Variants in MGST3 observed in about 807,000 individuals in gnomAD.
MGST3 encodes the protein microsomal glutathione S-transferase 3, also known as glutathione S-transferase 3, mitochondrial.
In MGST3, 13 loss-of-function variants were observed where a neutral mutation model predicts 15.8. The ratio of observed to expected loss-of-function variants is 0.82; its 90% CI spans 0.54 to 1.31. The LOEUF (loss-of-function observed/expected upper bound fraction) is 1.31, where lower values mean the gene tolerates loss of function less well. Among genes scored for constraint, MGST3 ranks in the 50% most tolerant of loss-of-function variants. The pLI, the probability that MGST3 is intolerant of heterozygous loss-of-function variation, is 0.00. For missense variants in MGST3, 155 were observed against 192.4 expected, an observed-to-expected ratio of 0.81 and a Z score of 1.15; for synonymous variants, 49 against 68.1, an observed-to-expected ratio of 0.72 and a Z score of 1.38.
At chr1:165,636,598 G>A (rs767197297) in intron 1 of MGST3, among the ~76,000 whole-genome samples, 19 of 151,978 alleles carry the variant, frequency 1.3e-4, no homozygotes, top group Admixed American at 2.6e-4. Context: ...TAACCGGGGC[G>A]TGGTAGCACA....
At chr1:165,639,093 C>G (rs1026192267) in intron 1 of MGST3, among the ~76,000 whole-genome samples, 1 of 152,152 alleles carries the variant, frequency 6.6e-6, no homozygotes, top group African/African-American at 2.4e-5. Flanking sequence ...TAAAGTATTC[C>G]AACGATCGTG....
chr1:165,647,603 G>A (rs1317714028), intron 1 of MGST3: 1 of 152,222 alleles, frequency 6.6e-6, no homozygotes, highest in Non-Finnish European at 1.5e-5. Flanking sequence ...CACATAGCCA[G>A]GGAGCCCAGC....
At chr1:165,634,649 C>T (rs575818034) in intron 1 of MGST3, among the ~76,000 whole-genome samples, 2 of 152,106 alleles carry the variant, frequency 1.3e-5, no homozygotes, top group East Asian at 3.9e-4. Context: ...GATCCTTTGT[C>T]GCAATGTCAC....
At chr1:165,643,214 C>T (rs1203740027) in intron 1 of MGST3, among the ~76,000 whole-genome samples, 1 of 152,074 alleles carries the variant, frequency 6.6e-6, no homozygotes, top group East Asian at 1.9e-4. Flanking sequence ...TTTGTACACA[C>T]CATTTTTAAC....
At chr1:165,635,918 A>C (rs1484612101) in intron 1 of MGST3, 2 of 152,198 alleles carry the variant, frequency 1.3e-5, no homozygotes, top group Non-Finnish European at 2.9e-5. Context: ...TTTCTATTCA[A>C]CTTTTTGTTT....
At chr1:165,632,128 T>C (rs4147596) in intron 1 of MGST3, 441,140 of 930,508 alleles carry the variant, frequency 0.47, 109,997 homozygotes, top group East Asian at 0.79. Context: ...AGCTACATAA[T>C]AGCGTCGGGG....
At chr1:165,654,169 A>G in intron 4 of MGST3, 110 bp from the exon 5 acceptor site, 1 of 1,060,266 alleles carries the variant, frequency 9.4e-7, no homozygotes, top group Non-Finnish European at 1.5e-6. Flanking sequence ...AGTTGGCCAA[A>G]TCATCAAATT....
In MGST3 at chr1:165,651,985, G is replaced by A; in HGVS notation, c.199G>A (p.Val67Met). The change falls in exon 4 of 6, where the codon GTG (valine) becomes ATG (methionine). Residue 67 changes from valine to methionine, a missense_variant. Val to Met is a conservative substitution (Grantham distance 21, BLOSUM62 1). Transcript: ENST00000367889. ...TCTTTCTGTCAATTCCAGGTTGGAA[G>A]TGTATCCTCCCTTCTTATTTTTTCT... Reference protein sequence around the residue: ...IQRAHQNTLEVYPPFLFFLAV... With the variant: ...IQRAHQNTLEMYPPFLFFLAV... 1 of 1,612,800 alleles carries A rather than the reference G, an allele frequency of 6.2e-7. No individual in the cohort carries two copies. Among genetic ancestry groups the A allele is most frequent in the Non-Finnish European group, 8.5e-7 (1 of 1,179,342 alleles).
At chr1:165,653,221 C>T (rs1648610811) in intron 4 of MGST3, among the ~76,000 whole-genome samples, 1 of 152,182 alleles carries the variant, frequency 6.6e-6, no homozygotes, top group South Asian at 2.1e-4. Flanking sequence ...ATCTGAATAG[C>T]TCAGGTCTCT....
chr1:165,654,424 C>T, intron 5 of MGST3, 73 bp downstream of exon 5: 2 of 1,378,028 alleles, frequency 1.5e-6, no homozygotes, highest in Non-Finnish European at 2.1e-6. Flanking sequence ...GGCACAGTGG[C>T]TTACACCTGT....
At position 165,655,522 on chromosome 1, in the gene MGST3, A is replaced by C; in HGVS notation, c.*18A>C. On this transcript the variant is annotated 3_prime_UTR_variant, in exon 6 of 6. Transcript: ENST00000367889. The stretch of plus-strand genomic sequence containing the variant: ...GCCATTAAAGAATTATAGGGGTTTA[A>C]AAACTCTCATTCATTTTAAATGACT... The C allele has an allele frequency of 2.5e-6, 4 of 1,614,014 alleles. No homozygotes were observed. Among genetic ancestry groups the C allele is most frequent in the Non-Finnish European group, 3.4e-6 (4 of 1,179,958 alleles).
chr1:165,654,520 G>A (rs1648655017), intron 5 of MGST3, among the ~76,000 whole-genome samples, 169 bp downstream of exon 5: 1 of 152,048 alleles, frequency 6.6e-6, no homozygotes, highest in Admixed American at 6.6e-5. Context: ...GTGAAACCCT[G>A]TCTCTACAAA....
At chr1:165,642,055 C>A (rs181531632) in intron 1 of MGST3, among the ~76,000 whole-genome samples, 284 of 152,290 alleles carry the variant, frequency 1.9e-3, no homozygotes, top group Admixed American at 2.9e-3. Context: ...TTCTGTCTTT[C>A]CCTACCCATT....
intron 2 of MGST3, chr1:165,650,217 A>G (rs1376919551): frequency 1.1e-5 from 6 of 523,798 alleles, no homozygotes; most frequent in Non-Finnish European, 2.1e-5. Context: ...TGGGATTCCA[A>G]TAGTACACTT....
At chr1:165,644,569 C>T (rs967587739) in intron 1 of MGST3, among the ~76,000 whole-genome samples, 1 of 152,088 alleles carries the variant, frequency 6.6e-6, no homozygotes, top group African/African-American at 2.4e-5. Flanking sequence ...CTGCTGCAGA[C>T]CTTACGTACA....
chr1:165,635,098 A>C (rs9333393), intron 1 of MGST3, among the ~76,000 whole-genome samples: 2 of 148,566 alleles, frequency 1.3e-5, no homozygotes, highest in East Asian at 2.0e-4. Flanking sequence ...CTCCCCCTCC[A>C]CCCCGCCCTC....
chr1:165,632,047 G>T, intron 1 of MGST3: 1 of 566,654 alleles, frequency 1.8e-6, no homozygotes. Context: ...AGGCGCTGGA[G>T]ACTCCTTAGT....
At chr1:165,653,045 C>T (rs1285855266) in intron 4 of MGST3, among the ~76,000 whole-genome samples, 6 of 152,172 alleles carry the variant, frequency 3.9e-5, no homozygotes, top group African/African-American at 1.4e-4. Context: ...TCCTGAATGC[C>T]TTGTACTTTT....
rs1441508779 is a variant in MGST3, at chr1:165,651,483, A to G, written c.191+396A>G. On this transcript the variant is annotated intron_variant, in intron 3 of 5. Coordinates refer to ENST00000367889, the MANE Select transcript of MGST3 (RefSeq NM_004528.4). Reference sequence around the variant, plus strand: ...TAGATGTGAGGTCCTTTTACTCAGCATGTTCCAAGTGACCTCTAATCCCAT... The same window carrying G: ...TAGATGTGAGGTCCTTTTACTCAGCGTGTTCCAAGTGACCTCTAATCCCAT... 17 of 342,394 alleles carry G rather than the reference A, an allele frequency of 5.0e-5. No homozygotes were observed. In the East Asian group the frequency reaches 1.1e-3, roughly 22 times the overall value. The allele number at this position is 342,394 out of a possible 1,614,324, so 21.2% of individuals were successfully genotyped here. A position where few individuals can be genotyped will look rare whatever the true frequency, so the allele number is the denominator to read the frequency against.
Sources: gnomAD v4.1 joint callset for allele counts (sites outside exome capture counted in the v4.1 genomes callset) on GRCh38, gnomAD v4.1.1 for gene constraint, MANE v1.5 for transcripts, NCBI Gene and HGNC (gene_info 2026-07-23, HGNC 2026-07-21) for gene names.